GPR161: variants seen among roughly 807,000 people sequenced by gnomAD.
GPR161 encodes the protein G-protein coupled receptor RE2.
A neutral mutation model predicts 39.2 loss-of-function variants in GPR161; 25 were observed. The ratio of observed to expected loss-of-function variants is 0.64; its 90% CI spans 0.47 to 0.89. GPR161 has a LOEUF of 0.89. GPR161 is among the 40% of genes least tolerant of loss of function. The pLI, the probability that GPR161 is intolerant of heterozygous loss-of-function variation, is 0.00. For missense variants in GPR161, 547 were observed against 677.8 expected, an observed-to-expected ratio of 0.81 and a Z score of 2.14; for synonymous variants, 286 against 276.6, an observed-to-expected ratio of 1.03 and a Z score of -0.34.
chr1:168,105,417 A>G (rs922056282), intron 1 of GPR161, among the ~76,000 whole-genome samples: 13 of 152,230 alleles, frequency 8.5e-5, no homozygotes, highest in South Asian at 2.1e-4. Flanking sequence ...AGAGCTCACT[A>G]GAGAGGCAGA....
intron 1 of GPR161, among the ~76,000 whole-genome samples, chr1:168,117,799 T>A (rs994619060): frequency 4.6e-5 from 7 of 152,186 alleles, no homozygotes; most frequent in Non-Finnish European, 8.8e-5. Context: ...CCTCACTGTG[T>A]TGCAGACTCC....
chr1:168,117,318 T>G (rs1290409638), intron 1 of GPR161, among the ~76,000 whole-genome samples: 3 of 152,248 alleles, frequency 2.0e-5, no homozygotes, highest in African/African-American at 7.2e-5. Context: ...TATGACATAC[T>G]ATTACACACA....
rs371798986 is a variant in GPR161, at chr1:168,120,535, A to G, written c.-44-15641T>C. On this transcript the variant is annotated intron_variant, in intron 1 of 5. Transcript: ENST00000682931. ...GACCATGGGGGACTGTTGGGAAGGG[A>G]TAATTGGTTTTGAAATGTGAAAAGG... 6.3e-4 allele frequency among the ~76,000 whole-genome samples: 96 copies of G among 152,228 alleles called. 1 individual carries two copies. In the South Asian group the frequency reaches 0.019, roughly 31 times the overall value.
At chr1:168,136,027 C>G (rs1269023306) in intron 1 of GPR161, 10 of 1,233,978 alleles carry the variant, frequency 8.1e-6, no homozygotes, top group Non-Finnish European at 9.1e-6. Flanking sequence ...ACGTTCTCAT[C>G]CCATATGCCT....
intron 1 of GPR161, among the ~76,000 whole-genome samples, chr1:168,106,261 T>A (rs554489277): frequency 3.9e-5 from 6 of 152,336 alleles, no homozygotes; most frequent in Non-Finnish European, 8.8e-5. Flanking sequence ...ATGATCAGAA[T>A]AATCCCCTTC....
chr1:168,133,945 G>A, intron 1 of GPR161: 1 of 894,380 alleles, frequency 1.1e-6, no homozygotes, highest in Non-Finnish European at 1.3e-6. Context: ...CATTTACAGT[G>A]GTTATCTCAA....
At chr1:168,130,195 G>A (rs182926658) in intron 1 of GPR161, among the ~76,000 whole-genome samples, 15 of 152,232 alleles carry the variant, frequency 9.9e-5, no homozygotes, top group Admixed American at 8.5e-4. Context: ...CGGCCTCCTC[G>A]ATATCTCTTA....
intron 1 of GPR161, among the ~76,000 whole-genome samples, chr1:168,107,978 T>C (rs1414500499): frequency 6.6e-6 from 1 of 152,162 alleles, no homozygotes; most frequent in Non-Finnish European, 1.5e-5. Context: ...TGCATTGCTA[T>C]AAAGGAATAA....
In GPR161 at chr1:168,084,052, A is replaced by C. The variant is rs981634461; in HGVS notation, c.*1479T>G. ...GAGATCAGTGGCTTCCCAAGTCATCACAGCAATTACTCCAGGACCAAACTT... is the reference window on the plus strand; with the variant it reads ...GAGATCAGTGGCTTCCCAAGTCATCCCAGCAATTACTCCAGGACCAAACTT... On this transcript the variant is annotated 3_prime_UTR_variant, in exon 6 of 6. Transcript: ENST00000682931. 4.6e-5 allele frequency: 7 copies of C among 153,094 alleles called. No individual in the cohort carries two copies. The highest frequency in any genetic ancestry group is 8.7e-5 in the Non-Finnish European group (6 of 68,708). 9.5% of individuals were successfully genotyped at this position (153,094 alleles called of 1,614,324 possible).
intron 1 of GPR161, among the ~76,000 whole-genome samples, chr1:168,126,442 A>G (rs1698595676): frequency 6.6e-6 from 1 of 151,838 alleles, no homozygotes; most frequent in Admixed American, 6.6e-5. Context: ...TCTTCTCATA[A>G]TACAAGTATT....
intron 5 of GPR161, among the ~76,000 whole-genome samples, chr1:168,086,347 G>A (rs1421475921): frequency 1.3e-5 from 2 of 152,200 alleles, no homozygotes; most frequent in Admixed American, 1.3e-4. Flanking sequence ...AAACTAAAAC[G>A]AACAGAAGTG....
At chr1:168,097,686 G>A (rs1695689786) in intron 2 of GPR161, among the ~76,000 whole-genome samples, 1 of 152,144 alleles carries the variant, frequency 6.6e-6, no homozygotes, top group Admixed American at 6.5e-5. Context: ...AAAGGCTTGC[G>A]ATGTGCCAAG....
At chr1:168,127,445 C>T (rs1246665998) in intron 1 of GPR161, among the ~76,000 whole-genome samples, 1 of 151,714 alleles carries the variant, frequency 6.6e-6, no homozygotes, top group African/African-American at 2.4e-5. Context: ...GATGGCGCCA[C>T]TGCACTCCAG....
intron 3 of GPR161, among the ~76,000 whole-genome samples, chr1:168,092,305 G>T (rs556794849): frequency 4.6e-5 from 7 of 152,328 alleles, no homozygotes; most frequent in South Asian, 4.1e-4. Context: ...TGAAGCCGCA[G>T]TGGGTTTTGG....
At chr1:168,127,558 T>C (rs1698682779) in intron 1 of GPR161, among the ~76,000 whole-genome samples, 1 of 152,116 alleles carries the variant, frequency 6.6e-6, no homozygotes, top group Non-Finnish European at 1.5e-5. Context: ...TTTATGCTGC[T>C]GATAAAAACA....
chr1:168,113,420 A>G lies in GPR161; in HGVS notation c.-44-8526T>C, dbSNP rs187354736. Among the ~76,000 whole-genome samples, 4 of 152,278 alleles carry G rather than the reference A, an allele frequency of 2.6e-5. No homozygotes were observed. In the East Asian group the frequency reaches 5.8e-4, roughly 22 times the overall value. On this transcript the variant is annotated intron_variant, in intron 1 of 5. Transcript: ENST00000682931. The stretch of plus-strand genomic sequence containing the variant: ...AACTCATCCTTGCCACCACAGCTCA[A>G]CGTATTGTGGTCACTCCTCTTTTGG...
At chr1:168,130,002 AT>A (rs1482060253) in intron 1 of GPR161, among the ~76,000 whole-genome samples, 1 of 151,954 alleles carries the variant, frequency 6.6e-6, no homozygotes, top group Non-Finnish European at 1.5e-5. Context: ...GACTCCTTTC[AT>A]TTTTTTGAGA....
rs779643954 is a variant in GPR161 at position 168,136,410 on chromosome 1, T to G, written c.-45+329A>C. 1.7e-5 allele frequency: 23 copies of G among 1,368,026 alleles called. No homozygotes were observed. The South Asian group carries it at 3.5e-4, about 21-fold the overall frequency. The allele number at this position is 1,368,026 out of a possible 1,614,324, so 84.7% of individuals were successfully genotyped here. A position where few individuals can be genotyped will look rare whatever the true frequency, so the allele number is the denominator to read the frequency against. ...ACGCCCTCCCATCCAGCGGACTGTTTAGGGGCTTCGGGCGGCGCCGGAGAA... is the reference window on the plus strand; with the variant it reads ...ACGCCCTCCCATCCAGCGGACTGTTGAGGGGCTTCGGGCGGCGCCGGAGAA... On this transcript the variant is annotated intron_variant, in intron 1 of 5. Transcript: ENST00000682931.
intron 3 of GPR161, among the ~76,000 whole-genome samples, chr1:168,092,747 TA>T (rs1352169533): frequency 6.6e-6 from 1 of 151,972 alleles, no homozygotes; most frequent in Non-Finnish European, 1.5e-5. Flanking sequence ...GGCAAGGGAG[TA>T]AATCCAAAGG....
Sources: gnomAD v4.1 joint callset for allele counts (sites outside exome capture counted in the v4.1 genomes callset) on GRCh38, gnomAD v4.1.1 for gene constraint, MANE v1.5 for transcripts, NCBI Gene and HGNC (gene_info 2026-07-23, HGNC 2026-07-21) for gene names.